The following UPK3A variants were observed in gnomAD, a reference collection of about 807,000 sequenced individuals.
The protein encoded by UPK3A is uroplakin 3A.
A neutral mutation model predicts 27.6 loss-of-function variants in UPK3A; 32 were observed. The observed-to-expected ratio is 1.16, with a 90% confidence interval of 0.87 to 1.55. The LOEUF (loss-of-function observed/expected upper bound fraction) is 1.55, where lower values mean the gene tolerates loss of function less well. UPK3A is among the 40% of genes most tolerant of loss of function. The probability of loss-of-function intolerance (pLI) is 0.00; values close to 1 mark genes in which losing one functional copy is unlikely to be tolerated. For synonymous variants in UPK3A, 171 were observed against 163.9 expected (o/e 1.04, Z -0.33); for missense variants, 370 against 367.9 (o/e 1.01, Z -0.05).
intron 1 of UPK3A, 145 bp downstream of exon 1, chr22:45,285,210 GCCT>G: frequency 1.3e-6 from 1 of 765,922 alleles, no homozygotes; most frequent in East Asian, 2.9e-5. Context: ...ACGTTTACGG[GCCT>G]CCTCTGTTGG....
At chr22:45,294,073 G>C (rs191812934) in intron 5 of UPK3A, among the ~76,000 whole-genome samples, 10 of 152,166 alleles carry the variant, frequency 6.6e-5, no homozygotes, top group African/African-American at 9.7e-5. Flanking sequence ...GGAGGGCCGG[G>C]GGGGTGCTGC....
intron 2 of UPK3A, 26 bp downstream of exon 2, chr22:45,286,122 A>G: frequency 6.2e-7 from 1 of 1,613,572 alleles, no homozygotes; most frequent in Non-Finnish European, 8.5e-7. Flanking sequence ...CCCTCTGGCT[A>G]CTCCAAAAGG....
Position 45,286,000 on chromosome 22 carries a change from A to C in UPK3A, c.112A>C (p.Thr38Pro). The change falls in exon 2 of 6, where the codon ACC becomes CCC. Residue 38 changes from threonine (T) to proline (P), a missense_variant. Coordinates refer to ENST00000216211, the MANE Select transcript of UPK3A (RefSeq NM_006953.4). ...TTTCGCCACCAACAACCCCACACTT[A>C]CCACTGTGGCCTTGGAAAAGCCTCT... ...VTFATNNPTL[T>P]TVALEKPLCM... The C allele has an allele frequency of 6.2e-7, 1 of 1,614,038 alleles. No individual in the cohort carries two copies. The highest frequency in any genetic ancestry group is 8.5e-7 in the Non-Finnish European group (1 of 1,179,984).
intron 2 of UPK3A, 83 bp from the exon 3 acceptor site, chr22:45,287,089 T>A (rs1304576952): frequency 6.3e-7 from 1 of 1,596,732 alleles, no homozygotes; most frequent in Non-Finnish European, 8.5e-7. Flanking sequence ...GCAGAAAGGA[T>A]GATCAGGCAT....
rs1337811581 is a variant in UPK3A at position 45,287,182 on chromosome 22, G to T, written c.219G>T (p.Arg73Ser). ...GCACCGCCTCTGCAGCCATTTCCAG[G>T]AATGCCTCAGTGCAAGACAGCACCA... is the stretch of plus-strand genomic sequence containing the variant. ...LYVLVDSAIS[R>S]NASVQDSTNT... The change falls in exon 3 of 6, where the codon AGG becomes AGT. Residue 73 changes from arginine to serine, a missense_variant. Coordinates refer to ENST00000216211, the MANE Select transcript of UPK3A (RefSeq NM_006953.4). The T allele has an allele frequency of 6.2e-7, 1 of 1,614,136 alleles. No individual in the cohort carries two copies.
At chr22:45,287,079 G>C (rs1206469230) in intron 2 of UPK3A, 93 bp from the exon 3 acceptor site, 6 of 1,585,570 alleles carry the variant, frequency 3.8e-6, no homozygotes, top group Non-Finnish European at 5.2e-6. Context: ...CAGAGCTGGG[G>C]CAGAAAGGAT....
intron 3 of UPK3A, among the ~76,000 whole-genome samples, chr22:45,288,360 AC>A (rs1230773667): frequency 1.3e-5 from 2 of 151,818 alleles, no homozygotes; most frequent in Non-Finnish European, 2.9e-5. Flanking sequence ...ACGCCTGGCT[AC>A]TTTTGTTTTT....
intron 2 of UPK3A, among the ~76,000 whole-genome samples, chr22:45,286,841 C>T (rs1431131808): frequency 1.3e-5 from 2 of 152,146 alleles, no homozygotes. Context: ...CGTTATTTCC[C>T]TTGGACCGAT....
At chr22:45,288,940 C>A in intron 3 of UPK3A, 121 bp from the exon 4 acceptor site, 1 of 913,376 alleles carries the variant, frequency 1.1e-6, no homozygotes, top group Non-Finnish European at 1.8e-6. Flanking sequence ...ACATTTCCGT[C>A]TCCTGGAAGG....
intron 4 of UPK3A, among the ~76,000 whole-genome samples, 158 bp downstream of exon 4, chr22:45,289,301 G>C (rs1461602749): frequency 2.6e-5 from 4 of 152,218 alleles, no homozygotes; most frequent in Non-Finnish European, 1.5e-5. Flanking sequence ...GCCAGGCCAG[G>C]TGTGGTGGCT....
chr22:45,293,710 T>C (rs949458504), intron 5 of UPK3A, among the ~76,000 whole-genome samples: 2 of 152,182 alleles, frequency 1.3e-5, no homozygotes, highest in African/African-American at 4.8e-5. Context: ...AGTGGAATAA[T>C]CTCTATAGAG....
intron 5 of UPK3A, among the ~76,000 whole-genome samples, chr22:45,294,152 C>T (rs1429025041): frequency 2.6e-5 from 4 of 152,096 alleles, no homozygotes; most frequent in Non-Finnish European, 1.5e-5. Context: ...CAGAGTGTTC[C>T]TCAGTGAGAG....
At chr22:45,287,577 C>A in intron 3 of UPK3A, 126 bp downstream of exon 3, 1 of 1,265,104 alleles carries the variant, frequency 7.9e-7, no homozygotes, top group Non-Finnish European at 1.1e-6. Context: ...TCCCAGGTTC[C>A]AGGCAGGCCA....
At position 45,287,338 on chromosome 22, in the gene UPK3A, C is replaced by T. The variant is rs1449061711; in HGVS notation, c.375C>T (p.Ala125=). 1.2e-6 allele frequency: 2 copies of T among 1,614,070 alleles called. No individual in the cohort carries two copies. Among genetic ancestry groups the T allele is most frequent in the Admixed American group, 1.7e-5 (1 of 60,008 alleles). Residue 125 remains alanine, a synonymous_variant, in exon 3 of 6, where the codon GCC becomes GCT. Transcript: ENST00000216211. Reference sequence around the variant, plus strand: ...ATGCCATTGGGGATGTGTCCAAGGCCTCACAGATCCTGAATGCCTACCTGG... The same window carrying T: ...ATGCCATTGGGGATGTGTCCAAGGCTTCACAGATCCTGAATGCCTACCTGG... The part of the protein sequence containing the change: ...SLDAIGDVSK[A]SQILNAYLVR...
chr22:45,292,108 C>A (rs976857304), intron 4 of UPK3A, among the ~76,000 whole-genome samples: 1 of 152,182 alleles, frequency 6.6e-6, no homozygotes, highest in Non-Finnish European at 1.5e-5. Flanking sequence ...GCCCAAGCCC[C>A]GCCTCTGCCC....
intron 4 of UPK3A, 106 bp from the exon 5 acceptor site, chr22:45,293,075 C>T: frequency 6.5e-7 from 1 of 1,547,676 alleles, no homozygotes. Flanking sequence ...CCAGGGTCAT[C>T]CCTGGATCCC....
intron 5 of UPK3A, among the ~76,000 whole-genome samples, chr22:45,294,821 C>G (rs1363786574): frequency 6.6e-6 from 1 of 151,976 alleles, no homozygotes; most frequent in African/African-American, 2.4e-5. Context: ...CCCTTCCTGC[C>G]TCACACCCAC....
chr22:45,286,163 G>A, intron 2 of UPK3A, 67 bp downstream of exon 2: 5 of 1,598,964 alleles, frequency 3.1e-6, no homozygotes, highest in Non-Finnish European at 4.3e-6. Context: ...GAGGAGGGAA[G>A]GAGGCAGATA....
At chr22:45,287,671 A>G (rs2084128929) in intron 3 of UPK3A, among the ~76,000 whole-genome samples, 1 of 151,990 alleles carries the variant, frequency 6.6e-6, no homozygotes, top group South Asian at 2.1e-4. Flanking sequence ...TTATTTATTT[A>G]TTTATTTTTT....
Sources: gnomAD v4.1 joint callset for allele counts (sites outside exome capture counted in the v4.1 genomes callset) on GRCh38, gnomAD v4.1.1 for gene constraint, MANE v1.5 for transcripts, NCBI Gene and HGNC (gene_info 2026-07-23, HGNC 2026-07-21) for gene names.